The following MPP7 variants were observed in gnomAD, a reference collection of about 807,000 sequenced individuals.
MPP7 encodes MAGUK p55 subfamily member 7.
A neutral mutation model predicts 76.5 loss-of-function variants in MPP7; 60 were observed. The observed-to-expected ratio is 0.78, with a 90% CI of 0.64 to 0.97. The LOEUF is 0.97. MPP7 is among the 50% of genes least tolerant of loss of function. MPP7 has a pLI of 0.00. For synonymous variants in MPP7, 237 were observed against 244.5 expected, an observed-to-expected ratio of 0.97 and a Z score of 0.29; for missense variants, 641 against 694.0, an observed-to-expected ratio of 0.92 and a Z score of 0.86.
chr10:28,108,858 T>A (rs894797263), intron 11 of MPP7, among the ~76,000 whole-genome samples: 26 of 152,218 alleles, frequency 1.7e-4, no homozygotes, highest in African/African-American at 6.3e-4. Flanking sequence ...ATAACAACCC[T>A]CGGCATCTCC....
At chr10:28,061,025 A>G (rs766013026) in intron 13 of MPP7, among the ~76,000 whole-genome samples, 15 of 152,250 alleles carry the variant, frequency 9.9e-5, no homozygotes, top group Non-Finnish European at 1.9e-4. Context: ...AAGGTGAGAT[A>G]AAAGAAGCTG....
At chr10:28,179,805 T>G (rs1198080449) in intron 3 of MPP7, among the ~76,000 whole-genome samples, 1 of 152,210 alleles carries the variant, frequency 6.6e-6, no homozygotes, top group Admixed American at 6.5e-5. Context: ...CAAAGATACA[T>G]GCCAACTTTG....
At chr10:28,126,549 CT>C (rs1835023079) in intron 6 of MPP7, among the ~76,000 whole-genome samples, 1 of 152,202 alleles carries the variant, frequency 6.6e-6, no homozygotes, top group African/African-American at 2.4e-5. Context: ...TTAAGGTAAT[CT>C]GACCAGAGAC....
intron 1 of MPP7, among the ~76,000 whole-genome samples, chr10:28,240,378 C>T (rs1839227924): frequency 6.6e-6 from 1 of 152,088 alleles, no homozygotes; most frequent in African/African-American, 2.4e-5. Context: ...TTAAAGCCTT[C>T]TAAATTTGCT....
chr10:28,206,613 T>C (rs761815060), intron 2 of MPP7, among the ~76,000 whole-genome samples: 1 of 152,196 alleles, frequency 6.6e-6, no homozygotes, highest in East Asian at 1.9e-4. Flanking sequence ...AATTGTTTTA[T>C]TTAAATTATT....
At chr10:28,292,228 A>C (rs1262298701) in intron 1 of MPP7, among the ~76,000 whole-genome samples, 2 of 152,196 alleles carry the variant, frequency 1.3e-5, no homozygotes, top group Non-Finnish European at 2.9e-5. Flanking sequence ...ACATTTGTGT[A>C]AGTGCAGTCT....
At chr10:28,287,868 A>T (rs1840824241) in intron 1 of MPP7, among the ~76,000 whole-genome samples, 1 of 152,226 alleles carries the variant, frequency 6.6e-6, no homozygotes, top group African/African-American at 2.4e-5. Context: ...GCAACAAAGT[A>T]AGAAAAGTTT....
chr10:28,332,363 T>C (rs1834479782), intron 1 of MPP7, among the ~76,000 whole-genome samples: 1 of 151,982 alleles, frequency 6.6e-6, no homozygotes, highest in Admixed American at 6.6e-5. Flanking sequence ...ATTTCCCTCT[T>C]ACTTATGATG....
intron 2 of MPP7, among the ~76,000 whole-genome samples, chr10:28,207,203 T>C (rs918739332): frequency 3.3e-5 from 5 of 152,214 alleles, no homozygotes; most frequent in South Asian, 2.1e-4. Context: ...CTGTCAAAGA[T>C]GCAGGTGAAG....
intron 3 of MPP7, among the ~76,000 whole-genome samples, chr10:28,171,790 A>C (rs1283805004): frequency 6.6e-6 from 1 of 152,138 alleles, no homozygotes; most frequent in Non-Finnish European, 1.5e-5. Context: ...AGTTTTGTTC[A>C]TTCTTTGTAT....
chr10:28,118,307 A>C (rs1376227392), intron 11 of MPP7: 1 of 980,542 alleles, frequency 1.0e-6, no homozygotes, highest in Non-Finnish European at 1.2e-6. Context: ...ATATACACTT[A>C]TCAAAAATTT....
chr10:28,326,391 GA>G (rs147014374), intron 2 of MPP7, among the ~76,000 whole-genome samples: 8,765 of 152,268 alleles, frequency 0.058, 321 homozygotes, highest in Non-Finnish European at 0.079. Flanking sequence ...TGAGAAGTCA[GA>G]GGTGTGGGTA....
At chr10:28,148,852 C>G (rs1342524026) in intron 4 of MPP7, among the ~76,000 whole-genome samples, 2 of 151,986 alleles carry the variant, frequency 1.3e-5, no homozygotes, top group Admixed American at 1.3e-4. Context: ...CAAATGTTTC[C>G]CAAAACTCTG....
chr10:28,069,389 G>C (rs1381608788), intron 13 of MPP7, among the ~76,000 whole-genome samples: 4 of 152,076 alleles, frequency 2.6e-5, no homozygotes, highest in Non-Finnish European at 4.4e-5. Context: ...TGGATCACAA[G>C]GTCAAGAGAT....
chr10:28,228,392 G>A (rs868040163), intron 2 of MPP7, among the ~76,000 whole-genome samples: 2 of 152,138 alleles, frequency 1.3e-5, no homozygotes, highest in African/African-American at 4.8e-5. Flanking sequence ...CCAGAAGTGA[G>A]GTTAACGAGA....
intron 14 of MPP7, among the ~76,000 whole-genome samples, chr10:28,058,953 C>T (rs994556124): frequency 2.6e-5 from 4 of 152,186 alleles, no homozygotes; most frequent in Admixed American, 2.0e-4. Flanking sequence ...TCATTGCACG[C>T]TACGGAGTAA....
intron 1 of MPP7, among the ~76,000 whole-genome samples, chr10:28,284,519 T>G (rs1410529933): frequency 6.6e-6 from 1 of 152,186 alleles, no homozygotes; most frequent in Non-Finnish European, 1.5e-5. Flanking sequence ...CCTCTCACCC[T>G]AATTCCAATA....
intron 2 of MPP7, among the ~76,000 whole-genome samples, chr10:28,208,782 A>G (rs1285131988): frequency 1.3e-5 from 2 of 152,194 alleles, no homozygotes; most frequent in Non-Finnish European, 2.9e-5. Flanking sequence ...CAATAAAATG[A>G]TAACTGGCTC....
At chr10:28,123,505 G>C (rs899897640) in intron 8 of MPP7, among the ~76,000 whole-genome samples, 2 of 119,772 alleles carry the variant, frequency 1.7e-5, no homozygotes, top group African/African-American at 6.4e-5. Flanking sequence ...GTCTTGCTAT[G>C]ACGCCCAGGC....
Sources: allele counts gnomAD v4.1 joint callset (sites outside exome capture counted in the v4.1 genomes callset), GRCh38; gene constraint gnomAD v4.1.1; transcripts MANE v1.5; gene names NCBI Gene and HGNC (gene_info 2026-07-23, HGNC 2026-07-21).